The following MYLK variants were observed in gnomAD, a reference collection of about 807,000 sequenced individuals.
MYLK encodes myosin light chain kinase, smooth muscle.
MYLK carries 106 observed loss-of-function variants against 203.4 expected under a neutral mutation model. The observed-to-expected ratio is 0.52, with a 90% CI of 0.45 to 0.61. The LOEUF is 0.61. Among genes scored for constraint, MYLK ranks in the 20% least tolerant of loss-of-function variants. The pLI is 0.00. For missense variants in MYLK, 2,072 were observed against 2,442.3 expected (o/e 0.85, Z 3.20); for synonymous variants, 867 against 959.5 (o/e 0.90, Z 1.78).
At chr3:123,867,884 C>G (rs529541164) in intron 2 of MYLK, among the ~76,000 whole-genome samples, 95 of 152,358 alleles carry the variant, frequency 6.2e-4, no homozygotes, top group Non-Finnish European at 1.1e-3. Flanking sequence ...CAACACCACT[C>G]CTTCTTATCT....
At chr3:123,719,061 AG>A (rs1291230806) in intron 13 of MYLK, among the ~76,000 whole-genome samples, 1 of 152,136 alleles carries the variant, frequency 6.6e-6, no homozygotes, top group Non-Finnish European at 1.5e-5. Flanking sequence ...GTCACTGAGG[AG>A]GGAAGGCAGA....
At chr3:123,721,989 G>A (rs2062105721) in intron 13 of MYLK, 139 bp downstream of exon 13, 1 of 1,097,854 alleles carries the variant, frequency 9.1e-7, no homozygotes, top group Non-Finnish European at 1.4e-6. Context: ...GCCGCTGCCA[G>A]TGGTGTGGAG....
chr3:123,833,523 C>T, intron 2 of MYLK, among the ~76,000 whole-genome samples: 1 of 44,370 alleles, frequency 2.3e-5, no homozygotes, highest in African/African-American at 1.2e-4. Flanking sequence ...GTTCCCTACC[C>T]TGCCCCATGC....
intron 19 of MYLK, among the ~76,000 whole-genome samples, chr3:123,684,733 G>A (rs534324915): frequency 1.2e-4 from 19 of 152,218 alleles, no homozygotes; most frequent in African/African-American, 2.9e-4. Context: ...ATGGGGTTTC[G>A]CCATGTTGGC....
At chr3:123,738,752 T>C (rs2062762413) in intron 7 of MYLK, 145 bp downstream of exon 7, 3 of 1,113,020 alleles carry the variant, frequency 2.7e-6, no homozygotes, top group Admixed American at 2.0e-5. Flanking sequence ...TCTGTCATGA[T>C]TGTGAGGCCT....
chr3:123,809,091 C>G (rs2065467702), intron 3 of MYLK, among the ~76,000 whole-genome samples: 1 of 152,124 alleles, frequency 6.6e-6, no homozygotes, highest in African/African-American at 2.4e-5. Flanking sequence ...TCAGAGAGCC[C>G]CTGGCTCACC....
At chr3:123,616,261 T>G (rs1335015179) in intron 33 of MYLK, 1 of 152,118 alleles carries the variant, frequency 6.6e-6, no homozygotes, top group Non-Finnish European at 1.5e-5. Flanking sequence ...CTATGGACAA[T>G]TGGAAATGGA....
intron 2 of MYLK, among the ~76,000 whole-genome samples, chr3:123,871,874 A>C (rs1338345518): frequency 6.8e-6 from 1 of 147,370 alleles, no homozygotes; most frequent in East Asian, 1.9e-4. Context: ...ATGAATATAG[A>C]CACAAAAAAC....
At chr3:123,698,896 T>A (rs2061049068) in intron 18 of MYLK, 1 of 149,574 alleles carries the variant, frequency 6.7e-6, no homozygotes, top group Non-Finnish European at 1.5e-5. Context: ...AGGGAGGGAG[T>A]GGGGAGGGTG....
At chr3:123,878,613 G>A (rs897753175) in intron 1 of MYLK, among the ~76,000 whole-genome samples, 4 of 152,288 alleles carry the variant, frequency 2.6e-5, no homozygotes, top group African/African-American at 7.2e-5. Context: ...ATGTCAGGCC[G>A]TTCACCTTCC....
chr3:123,682,022 G>C, intron 20 of MYLK: 1 of 646,452 alleles, frequency 1.5e-6, no homozygotes, highest in South Asian at 1.7e-5. Flanking sequence ...GCTGGAGAGA[G>C]CACTGGGATG....
At chr3:123,869,329 A>C (rs1016683914) in intron 2 of MYLK, among the ~76,000 whole-genome samples, 8 of 152,166 alleles carry the variant, frequency 5.3e-5, no homozygotes, top group Non-Finnish European at 7.3e-5. Flanking sequence ...AACAGGTCCA[A>C]GAGGCCTTAA....
At chr3:123,622,594 AAG>A (rs2057926943) in intron 31 of MYLK, 1 of 152,256 alleles carries the variant, frequency 6.6e-6, no homozygotes, top group African/African-American at 2.4e-5. Flanking sequence ...GAGGAAACAA[AAG>A]AGTTATAGTA....
chr3:123,824,784 G>GAT (rs2066056502), intron 3 of MYLK, among the ~76,000 whole-genome samples: 1 of 151,872 alleles, frequency 6.6e-6, no homozygotes, highest in South Asian at 2.1e-4. Context: ...AATATAATTT[G>GAT]ATATATATAT....
chr3:123,735,592 A>G, intron 8 of MYLK, 176 bp from the exon 9 acceptor site: 1 of 683,762 alleles, frequency 1.5e-6, no homozygotes, highest in Admixed American at 2.2e-5. Context: ...ACATTGTCAA[A>G]GCTTCAGGTT....
chr3:123,749,214 G>A (rs1302767000), intron 5 of MYLK, among the ~76,000 whole-genome samples: 1 of 151,930 alleles, frequency 6.6e-6, no homozygotes, highest in Non-Finnish European at 1.5e-5. Context: ...AGGAGGTCGA[G>A]GCTGCAGTGA....
intron 11 of MYLK, among the ~76,000 whole-genome samples, chr3:123,727,466 A>T (rs2062330493): frequency 6.6e-6 from 1 of 152,260 alleles, no homozygotes; most frequent in Non-Finnish European, 1.5e-5. Flanking sequence ...ATTTAACCTT[A>T]CTAAAGATCA....
chr3:123,658,020 TTCC>T (rs1244958659), intron 23 of MYLK, among the ~76,000 whole-genome samples: 1 of 152,242 alleles, frequency 6.6e-6, no homozygotes, highest in East Asian at 1.9e-4. Flanking sequence ...GAGCCTCAGT[TTCC>T]TCATCTGTAA....
chr3:123,877,208 G>A (rs974168610), intron 1 of MYLK, among the ~76,000 whole-genome samples: 4 of 152,172 alleles, frequency 2.6e-5, no homozygotes, highest in Non-Finnish European at 5.9e-5. Flanking sequence ...GTTGTAGTGG[G>A]ATCAAGGAGT....
Sources: gnomAD v4.1 joint callset for allele counts (sites outside exome capture counted in the v4.1 genomes callset) on GRCh38, gnomAD v4.1.1 for gene constraint, MANE v1.5 for transcripts, NCBI Gene and HGNC (gene_info 2026-07-23, HGNC 2026-07-21) for gene names.